The following AGBL4 variants were observed in gnomAD, a reference collection of about 807,000 sequenced individuals.
AGBL4 encodes AGBL carboxypeptidase 4.
A neutral mutation model predicts 66.4 loss-of-function variants in AGBL4; 58 were observed. The observed-to-expected ratio is 0.87, with a 90% CI of 0.71 to 1.09. The LOEUF (loss-of-function observed/expected upper bound fraction) is 1.09, where lower values mean the gene tolerates loss of function less well. Among genes scored for constraint, AGBL4 ranks in the 50% least tolerant of loss-of-function variants. The pLI is 0.00. For synonymous variants in AGBL4, 234 were observed against 222.9 expected (o/e 1.05, Z -0.44); for missense variants, 579 against 631.0 (o/e 0.92, Z 0.88).
chr1:48,721,760 T>C lies in AGBL4; in HGVS notation c.635-58519A>G, dbSNP rs115941073. 3.8e-3 allele frequency among the ~76,000 whole-genome samples: 574 copies of C among 152,328 alleles called. 2 individuals are homozygous for C. Among genetic ancestry groups the C allele is most frequent in the Non-Finnish European group, 6.4e-3 (436 of 68,026 alleles). The stretch of plus-strand genomic sequence containing the variant: ...TGTCTTTCCAGCACTGGGACTGAGT[T>C]GTGGTGACCCCAGGTTTGTCTCTGC... On this transcript the variant is annotated intron_variant, in intron 6 of 13. Coordinates refer to ENST00000371839, the MANE Select transcript of AGBL4 (RefSeq NM_032785.4).
At chr1:48,973,089 G>C (rs920723807) in intron 5 of AGBL4, among the ~76,000 whole-genome samples, 1 of 152,102 alleles carries the variant, frequency 6.6e-6, no homozygotes, top group Non-Finnish European at 1.5e-5. Flanking sequence ...CAGAATAAAG[G>C]TTACAGTATA....
intron 3 of AGBL4, among the ~76,000 whole-genome samples, chr1:49,655,817 A>C (rs541046378): frequency 6.6e-6 from 1 of 152,278 alleles, no homozygotes; most frequent in African/African-American, 2.4e-5. Flanking sequence ...AAGACTCATA[A>C]AGAAAAGAGA....
chr1:49,511,123 A>G (rs1392584497), intron 3 of AGBL4, among the ~76,000 whole-genome samples: 1 of 152,022 alleles, frequency 6.6e-6, no homozygotes, highest in Non-Finnish European at 1.5e-5. Context: ...CCAAAGGACT[A>G]TAAATCATGC....
intron 5 of AGBL4, among the ~76,000 whole-genome samples, chr1:48,922,644 T>C (rs560372036): frequency 6.6e-6 from 1 of 152,332 alleles, no homozygotes; most frequent in South Asian, 2.1e-4. Context: ...TTGTTATTCT[T>C]AATTTAGGAG....
At chr1:49,635,770 C>T (rs1201410869) in intron 3 of AGBL4, among the ~76,000 whole-genome samples, 1 of 152,150 alleles carries the variant, frequency 6.6e-6, no homozygotes, top group Non-Finnish European at 1.5e-5. Flanking sequence ...AGAGAACTCT[C>T]ATACTGCTAG....
At chr1:49,572,710 T>C (rs559302247) in intron 3 of AGBL4, among the ~76,000 whole-genome samples, 2 of 152,300 alleles carry the variant, frequency 1.3e-5, no homozygotes, top group South Asian at 4.1e-4. Context: ...CCCTTATCAT[T>C]TCTTATTGTG....
At chr1:49,712,734 GA>G (rs767285696) in intron 2 of AGBL4, among the ~76,000 whole-genome samples, 6 of 151,954 alleles carry the variant, frequency 3.9e-5, no homozygotes, top group Admixed American at 2.0e-4. Context: ...TTTTTAAAAA[GA>G]AGAATATGGG....
intron 3 of AGBL4, among the ~76,000 whole-genome samples, chr1:49,562,466 A>G (rs1268074194): frequency 1.3e-5 from 2 of 152,098 alleles, no homozygotes; most frequent in African/African-American, 2.4e-5. Flanking sequence ...TCTTTAATCC[A>G]TCTTGAATTA....
At chr1:49,513,047 T>G (rs115925963) in intron 3 of AGBL4, among the ~76,000 whole-genome samples, 2 of 152,080 alleles carry the variant, frequency 1.3e-5, no homozygotes, top group African/African-American at 2.4e-5. Flanking sequence ...AAGAGAAACT[T>G]GAAGAAGATA....
chr1:49,685,521 A>G (rs921334349), intron 3 of AGBL4, among the ~76,000 whole-genome samples: 2 of 152,212 alleles, frequency 1.3e-5, no homozygotes, highest in Non-Finnish European at 2.9e-5. Context: ...TCTCACCAGC[A>G]GTGTATAAGC....
intron 3 of AGBL4, among the ~76,000 whole-genome samples, chr1:49,249,709 T>C (rs1651902315): frequency 6.6e-6 from 1 of 152,162 alleles, no homozygotes; most frequent in Non-Finnish European, 1.5e-5. Flanking sequence ...TCTAGCAATC[T>C]CATCACTGGG....
intron 3 of AGBL4, among the ~76,000 whole-genome samples, chr1:49,348,203 G>A (rs967601193): frequency 6.6e-6 from 1 of 152,080 alleles, no homozygotes; most frequent in Non-Finnish European, 1.5e-5. Context: ...CGGATCACGA[G>A]GTGAGGAGAT....
At chr1:49,316,665 A>AT (rs1645044560) in intron 3 of AGBL4, among the ~76,000 whole-genome samples, 1 of 151,972 alleles carries the variant, frequency 6.6e-6, no homozygotes, top group Non-Finnish European at 1.5e-5. Flanking sequence ...AGATTGGCAT[A>AT]TTTATACACT....
chr1:49,766,617 T>G (rs1444558552), intron 2 of AGBL4, among the ~76,000 whole-genome samples: 2 of 151,540 alleles, frequency 1.3e-5, no homozygotes, highest in Non-Finnish European at 2.9e-5. Flanking sequence ...TGCCCCCACT[T>G]AAAAGGCACA....
At chr1:48,912,469 G>A (rs887035940) in intron 5 of AGBL4, among the ~76,000 whole-genome samples, 11 of 152,172 alleles carry the variant, frequency 7.2e-5, no homozygotes, top group Admixed American at 2.0e-4. Context: ...TGCCCAGGAC[G>A]TTGCCATTGG....
At chr1:48,522,925 CAAA>C in the AGBL4 span, among the ~76,000 whole-genome samples, 31 of 133,618 alleles carry the variant, frequency 2.3e-4, no homozygotes, top group Admixed American at 2.9e-4. Context: ...GACTCCATCT[CAAA>C]AAAAAAAAAA....
At chr1:49,387,095 G>A (rs2148585711) in intron 3 of AGBL4, among the ~76,000 whole-genome samples, 1 of 151,892 alleles carries the variant, frequency 6.6e-6, no homozygotes, top group Non-Finnish European at 1.5e-5. Flanking sequence ...CAATTTTCAA[G>A]TTCTAGTTCT....
intron 2 of AGBL4, among the ~76,000 whole-genome samples, chr1:49,826,381 T>C (rs1448078231): frequency 6.6e-6 from 1 of 152,236 alleles, no homozygotes; most frequent in Non-Finnish European, 1.5e-5. Flanking sequence ...TTAAGGGACA[T>C]TTCAAATACA....
At chr1:49,750,756 T>C (rs1266585938) in intron 2 of AGBL4, among the ~76,000 whole-genome samples, 1 of 152,238 alleles carries the variant, frequency 6.6e-6, no homozygotes, top group African/African-American at 2.4e-5. Flanking sequence ...GTGTCCTCTC[T>C]TAGTTCCTTG....
Sources: gnomAD v4.1 joint callset for allele counts (sites outside exome capture counted in the v4.1 genomes callset) on GRCh38, gnomAD v4.1.1 for gene constraint, MANE v1.5 for transcripts, NCBI Gene and HGNC (gene_info 2026-07-23, HGNC 2026-07-21) for gene names.